Variants in MYO6 observed in about 807,000 individuals in gnomAD.
The protein encoded by MYO6 is unconventional myosin-VI.
In MYO6, 74 loss-of-function variants were observed where a neutral mutation model predicts 178.7. The ratio of observed to expected loss-of-function variants is 0.41; its 90% CI spans 0.34 to 0.50. The LOEUF (loss-of-function observed/expected upper bound fraction) is 0.50, where lower values mean the gene tolerates loss of function less well. Ranked by LOEUF, MYO6 falls within the 20% of genes least tolerant of loss-of-function variation. The probability of loss-of-function intolerance (pLI) is 0.09; values close to 1 mark genes in which losing one functional copy is unlikely to be tolerated. For missense variants in MYO6, 1,330 were observed against 1,547.4 expected, an observed-to-expected ratio of 0.86 and a Z score of 2.36; for synonymous variants, 477 against 504.6, an observed-to-expected ratio of 0.95 and a Z score of 0.73.
chr6:75,909,364 T>C (rs999555994), intron 32 of MYO6, among the ~76,000 whole-genome samples: 2 of 152,226 alleles, frequency 1.3e-5, no homozygotes, highest in Non-Finnish European at 2.9e-5. Context: ...ATTTACACTC[T>C]AATTCCTTTG....
chr6:75,774,481 T>C (rs1354549105), intron 1 of MYO6, among the ~76,000 whole-genome samples: 1 of 152,340 alleles, frequency 6.6e-6, no homozygotes, highest in Non-Finnish European at 1.5e-5. Flanking sequence ...TTCCATTGGA[T>C]CTTTTTTGCT....
At chr6:75,895,826 AT>A (rs1305973421) in intron 29 of MYO6, among the ~76,000 whole-genome samples, 7 of 151,638 alleles carry the variant, frequency 4.6e-5, no homozygotes, top group African/African-American at 1.7e-4. Flanking sequence ...TGTTTTATGT[AT>A]TTTTTTTAAA....
intron 7 of MYO6, among the ~76,000 whole-genome samples, chr6:75,839,801 A>G (rs1774034130): frequency 6.6e-6 from 1 of 152,166 alleles, no homozygotes; most frequent in Admixed American, 6.5e-5. Context: ...CTGGATATAC[A>G]TGTAAAAATG....
In MYO6 at chr6:75,750,956, A is replaced by C. The variant is rs73458855; in HGVS notation, c.-48+1533A>C. Reference sequence around the variant, plus strand: ...ACGTGAATCTTGAACTTGGACTGGTAGTGGTCATGGTACAAAGGTTGGCGG... The same window carrying C: ...ACGTGAATCTTGAACTTGGACTGGTCGTGGTCATGGTACAAAGGTTGGCGG... On this transcript the variant is annotated intron_variant, in intron 1 of 34. Transcript: ENST00000369977. Among the ~76,000 whole-genome samples, 353 of 152,330 alleles carry C rather than the reference A, an allele frequency of 2.3e-3. 4 individuals carry two copies. The highest frequency in any genetic ancestry group is 7.9e-3 in the African/African-American group (328 of 41,570).
intron 1 of MYO6, among the ~76,000 whole-genome samples, chr6:75,757,292 G>A (rs904706579): frequency 1.4e-5 from 2 of 147,456 alleles, no homozygotes; most frequent in East Asian, 2.0e-4. Flanking sequence ...CAATATATGT[G>A]TGTGTATGTA....
Position 75,830,281 on chromosome 6 carries a change from A to G in MYO6, c.262-135A>G, listed in dbSNP as rs991023749. On this transcript the variant is annotated intron_variant, in intron 4 of 34. Coordinates refer to ENST00000369977, the MANE Select transcript of MYO6 (RefSeq NM_004999.4). ...AAAGATCAGGGAATACTCAGGGAAT[A>G]TTTAGGACTGATTTGGGAGTCTTAG... 3 of 723,638 alleles carry G rather than the reference A, an allele frequency of 4.1e-6. No individual in the cohort carries two copies. The African/African-American group carries it at 5.4e-5, about 13-fold the overall frequency. The allele number at this position is 723,638 out of a possible 1,614,324, so 44.8% of individuals were successfully genotyped here. A position where few individuals can be genotyped will look rare whatever the true frequency, so the allele number is the denominator to read the frequency against.
At position 75,830,461 on chromosome 6, in the gene MYO6, A is replaced by T. The variant is rs746874102; in HGVS notation, c.307A>T (p.Ile103Leu). 6.2e-6 allele frequency: 10 copies of T among 1,611,898 alleles called. No individual in the cohort carries two copies. In the East Asian group the frequency reaches 1.6e-4, roughly 25 times the overall value. Residue 103 changes from isoleucine to leucine, a missense_variant, in exon 5 of 35, where the codon ATA (isoleucine) becomes TTA (leucine). Physicochemically the swap from Ile to Leu is conservative, Grantham distance 5. This residue lies in a region of MYO6 where 613 missense variants were observed against 816.8 expected (regional missense o/e 0.75). Transcript: ENST00000369977. ...GATTGCAGTGAATCCATACTTTGAC[A>T]TACCTAAAATATATTCTTCAGAAGC... ...ILIAVNPYFDIPKIYSSEAIK... is the reference protein window; with the variant it reads ...ILIAVNPYFDLPKIYSSEAIK...
intron 16 of MYO6, among the ~76,000 whole-genome samples, chr6:75,863,936 A>G (rs1776428712): frequency 6.6e-6 from 1 of 152,106 alleles, no homozygotes; most frequent in Non-Finnish European, 1.5e-5. Context: ...TTGTTACCTG[A>G]GGTAATAAAA....
At chr6:75,798,882 G>T (rs907199604) in intron 1 of MYO6, among the ~76,000 whole-genome samples, 2 of 152,164 alleles carry the variant, frequency 1.3e-5, no homozygotes, top group Non-Finnish European at 2.9e-5. Flanking sequence ...AAGACTCCAA[G>T]AACTGATAAA....
At chr6:75,776,356 G>T (rs1173740650) in intron 1 of MYO6, among the ~76,000 whole-genome samples, 1 of 152,156 alleles carries the variant, frequency 6.6e-6, no homozygotes, top group Non-Finnish European at 1.5e-5. Context: ...ATGAGCAAGG[G>T]AACTTATAAT....
intron 27 of MYO6, among the ~76,000 whole-genome samples, 156 bp downstream of exon 27, chr6:75,891,462 C>A (rs1051617592): frequency 6.6e-6 from 1 of 151,944 alleles, no homozygotes; most frequent in South Asian, 2.1e-4. Flanking sequence ...GAAACCCCAT[C>A]TCTACTTATA....
chr6:75,848,461 TC>T lies in MYO6; in HGVS notation c.1009del (p.Leu337SerfsTer4). On this transcript the variant is annotated frameshift_variant, in exon 11 of 35. Coordinates refer to ENST00000369977, the MANE Select transcript of MYO6 (RefSeq NM_004999.4). LOFTEE classifies it high-confidence loss of function. ...GTTTGGATGATGAAGAAAAGCTTGATCTCTTCCGGGTAGTAGCTGGCGTCCT... is the reference window on the plus strand; with the variant it reads ...GTTTGGATGATGAAGAAAAGCTTGATTCTTCCGGGTAGTAGCTGGCGTCCT... ...IGLDDEEKLD[L>X]FRVVAGVLHL... is the part of the protein sequence containing the mutation. 6.2e-7 allele frequency: 1 copy of T among 1,613,948 alleles called. No individual in the cohort carries two copies. Among genetic ancestry groups the T allele is most frequent in the Non-Finnish European group, 8.5e-7 (1 of 1,179,874 alleles).
In MYO6 at chr6:75,867,095, A is replaced by G; in HGVS notation, c.1934A>G (p.Asn645Ser). Residue 645 changes from asparagine (N) to serine (S), a missense_variant, in exon 18 of 35, where the codon AAC becomes AGC. Asn to Ser is a conservative substitution (Grantham distance 46). Transcript: ENST00000369977. ...AAACTTAGCTTCATCAGCGTGGGAA[A>G]CAAGTTTAAGGTATTTGTGTTATTT... ...AGKLSFISVGNKFKTQLNLLL... is the reference protein window; with the variant it reads ...AGKLSFISVGSKFKTQLNLLL... 6.2e-7 allele frequency: 1 copy of G among 1,612,774 alleles called. No individual in the cohort carries two copies. The highest frequency in any genetic ancestry group is 2.2e-5 in the East Asian group (1 of 44,794).
At chr6:75,770,436 C>T (rs1226764781) in intron 1 of MYO6, among the ~76,000 whole-genome samples, 4 of 152,130 alleles carry the variant, frequency 2.6e-5, no homozygotes, top group East Asian at 1.9e-4. Context: ...GTATTTGTTG[C>T]TCTGTATGTG....
chr6:75,851,285 A>G (rs1055698946), intron 11 of MYO6, among the ~76,000 whole-genome samples: 51 of 152,280 alleles, frequency 3.3e-4, no homozygotes, highest in African/African-American at 1.1e-3. Context: ...ACTTCCTTCT[A>G]TTGAGGGTAA....
chr6:75,789,178 T>C (rs1010439557), intron 1 of MYO6, among the ~76,000 whole-genome samples: 2 of 152,214 alleles, frequency 1.3e-5, no homozygotes, highest in African/African-American at 2.4e-5. Context: ...CCAGGTTTCA[T>C]TGAATCTAAA....
intron 1 of MYO6, among the ~76,000 whole-genome samples, chr6:75,778,031 T>A (rs971188420): frequency 6.6e-6 from 1 of 152,196 alleles, no homozygotes; most frequent in Non-Finnish European, 1.5e-5. Context: ...TATTTTTTTT[T>A]AATTTAAAAA....
chr6:75,918,543 A>T lies in MYO6; in HGVS notation c.*3531A>T, dbSNP rs1408072528. 6.6e-6 allele frequency: 1 copy of T among 152,250 alleles called. No individual in the cohort carries two copies. Among genetic ancestry groups the T allele is most frequent in the East Asian group, 1.9e-4 (1 of 5,198 alleles). 9.4% of individuals were successfully genotyped at this position (152,250 alleles called of 1,614,324 possible). On this transcript the variant is annotated 3_prime_UTR_variant, in exon 35 of 35. Transcript: ENST00000369977. ...CCCGGTGTATACATTCTTAGCACAT[A>T]GGAATGGCACTGCCATACTGGAGAA...
chr6:75,917,202 G>GGT lies in MYO6; in HGVS notation c.*2191_*2192dup, dbSNP rs1369921451. 6.6e-6 allele frequency: 1 copy of GGT among 152,544 alleles called. No individual in the cohort carries two copies. The highest frequency in any genetic ancestry group is 1.5e-5 in the Non-Finnish European group (1 of 68,016). 9.4% of individuals were successfully genotyped at this position (152,544 alleles called of 1,614,324 possible). A position where few individuals can be genotyped will look rare whatever the true frequency, so the allele number is the denominator to read the frequency against. On this transcript the variant is annotated 3_prime_UTR_variant, in exon 35 of 35. Coordinates refer to ENST00000369977, the MANE Select transcript of MYO6 (RefSeq NM_004999.4). Reference sequence around the variant, plus strand: ...TTCACAGTCAAGCCCATGCATGCCAGGTTAAAACTGTGGAAATCAAAAGTA... The same window carrying GGT: ...TTCACAGTCAAGCCCATGCATGCCAGGTGTTAAAACTGTGGAAATCAAAAGTA...
Sources: allele counts gnomAD v4.1 joint callset (sites outside exome capture counted in the v4.1 genomes callset), GRCh38; gene constraint gnomAD v4.1.1; regional missense constraint gnomAD v4.1.1; transcripts MANE v1.5; gene names NCBI Gene and HGNC (gene_info 2026-07-23, HGNC 2026-07-21).